The following SND1 variants were observed in gnomAD, a reference collection of about 807,000 sequenced individuals.
The protein encoded by SND1 is staphylococcal nuclease and tudor domain containing 1.
In SND1, 38 loss-of-function variants were observed where a neutral mutation model predicts 121.7. The observed-to-expected ratio is 0.31, with a 90% CI of 0.24 to 0.41. The LOEUF (loss-of-function observed/expected upper bound fraction) is 0.41. SND1 is among the 10% of genes least tolerant of loss of function. SND1 has a pLI of 1.00. For missense variants in SND1, 868 were observed against 1,184.6 expected (o/e 0.73, Z 3.92); for synonymous variants, 401 against 447.4 (o/e 0.90, Z 1.31).
intron 10 of SND1, among the ~76,000 whole-genome samples, chr7:127,773,412 A>G (rs1797552855): frequency 6.6e-6 from 1 of 151,990 alleles, no homozygotes; most frequent in African/African-American, 2.4e-5. Context: ...AGATTGTGCC[A>G]CTGCACTCTA....
At chr7:127,779,734 G>A (rs751312409) in intron 10 of SND1, among the ~76,000 whole-genome samples, 31 of 152,176 alleles carry the variant, frequency 2.0e-4, no homozygotes, top group Non-Finnish European at 3.5e-4. Context: ...ACACAAGTTC[G>A]CCAAACTGGA....
At chr7:127,731,178 G>A (rs540564711) in intron 10 of SND1, among the ~76,000 whole-genome samples, 2 of 152,214 alleles carry the variant, frequency 1.3e-5, no homozygotes, top group South Asian at 2.1e-4. Flanking sequence ...GGCACTGCCC[G>A]CCCGATTCTG....
chr7:127,775,197 A>G (rs1797593814), intron 10 of SND1, among the ~76,000 whole-genome samples: 1 of 152,228 alleles, frequency 6.6e-6, no homozygotes, highest in Non-Finnish European at 1.5e-5. Flanking sequence ...ATTATTCCTT[A>G]GAACCTTTAA....
chr7:127,668,084 ATCT>A (rs371068271), intron 1 of SND1, among the ~76,000 whole-genome samples: 11 of 152,212 alleles, frequency 7.2e-5, no homozygotes, highest in African/African-American at 2.4e-4. Context: ...ATGTGCAGAA[ATCT>A]TCTGAAGGAG....
At chr7:127,967,752 A>G (rs765091185) in intron 15 of SND1, among the ~76,000 whole-genome samples, 1 of 152,242 alleles carries the variant, frequency 6.6e-6, no homozygotes, top group Non-Finnish European at 1.5e-5. Context: ...CCAGGAAACT[A>G]TAGTTGCTAA....
At chr7:127,902,622 A>G (rs1800256072) in intron 13 of SND1, among the ~76,000 whole-genome samples, 1 of 152,232 alleles carries the variant, frequency 6.6e-6, no homozygotes, top group South Asian at 2.1e-4. Context: ...GCAAAGCTTG[A>G]GAATCGCCTT....
intron 10 of SND1, among the ~76,000 whole-genome samples, chr7:127,793,795 G>A (rs1797960255): frequency 6.6e-6 from 1 of 152,022 alleles, no homozygotes; most frequent in Non-Finnish European, 1.5e-5. Flanking sequence ...CCCCATTCTT[G>A]CCCTCCTCCC....
intron 12 of SND1, among the ~76,000 whole-genome samples, chr7:127,859,573 C>A (rs1799341816): frequency 6.6e-6 from 1 of 152,188 alleles, no homozygotes; most frequent in Admixed American, 6.5e-5. Flanking sequence ...TGTGTTACAT[C>A]ATTCTTGGCC....
At chr7:127,771,562 TGAA>T in intron 10 of SND1, among the ~76,000 whole-genome samples, 1 of 152,294 alleles carries the variant, frequency 6.6e-6, no homozygotes, top group East Asian at 1.9e-4. Flanking sequence ...AGTGTATTCA[TGAA>T]GTGTATCCTG....
chr7:127,679,784 A>G (rs966983842), intron 1 of SND1, among the ~76,000 whole-genome samples: 2 of 152,180 alleles, frequency 1.3e-5, no homozygotes, highest in Admixed American at 6.5e-5. Flanking sequence ...TTTATTTCTG[A>G]ATTATATTCC....
intron 15 of SND1, among the ~76,000 whole-genome samples, chr7:127,982,031 CG>C (rs1802273809): frequency 6.6e-6 from 1 of 152,090 alleles, no homozygotes; most frequent in South Asian, 2.1e-4. Context: ...TGCCAGATAC[CG>C]GGGATGTAGA....
At chr7:127,935,021 A>C in intron 15 of SND1, among the ~76,000 whole-genome samples, 1 of 152,232 alleles carries the variant, frequency 6.6e-6, no homozygotes. Context: ...CAGCAGTGTC[A>C]GAGTTTACAT....
intron 1 of SND1, among the ~76,000 whole-genome samples, chr7:127,666,697 T>C (rs993565724): frequency 6.6e-6 from 1 of 152,140 alleles, no homozygotes; most frequent in Non-Finnish European, 1.5e-5. Flanking sequence ...AGAAGTCTCT[T>C]TTATGGACAG....
intron 10 of SND1, among the ~76,000 whole-genome samples, chr7:127,723,358 G>C (rs141517282): frequency 6.6e-6 from 1 of 151,510 alleles, no homozygotes; most frequent in Admixed American, 6.6e-5. Flanking sequence ...CTCTTACAAG[G>C]CGTGTTACCT....
At chr7:127,844,244 C>T (rs961774906) in intron 11 of SND1, 80 bp from the exon 12 acceptor site, 34 of 1,042,788 alleles carry the variant, frequency 3.3e-5, no homozygotes, top group Non-Finnish European at 4.8e-5. Context: ...TGATCTTTCA[C>T]AGTTGAGCAG....
chr7:128,055,404 A>G (rs562383658), intron 16 of SND1, among the ~76,000 whole-genome samples: 16 of 152,268 alleles, frequency 1.1e-4, no homozygotes, highest in Admixed American at 7.8e-4. Context: ...TCTGCAGAGT[A>G]ATGGCAGCAG....
chr7:127,785,414 C>G (rs1273372691), intron 10 of SND1, among the ~76,000 whole-genome samples: 1 of 152,194 alleles, frequency 6.6e-6, no homozygotes, highest in East Asian at 1.9e-4. Flanking sequence ...CTGATGCATG[C>G]TCTTCACAGA....
chr7:128,025,602 C>T (rs1356508622), intron 16 of SND1, among the ~76,000 whole-genome samples: 2 of 152,186 alleles, frequency 1.3e-5, no homozygotes, highest in Non-Finnish European at 2.9e-5. Context: ...ACAGCATTCA[C>T]GGCTGCATTT....
At chr7:127,963,038 T>A (rs931223652) in intron 15 of SND1, among the ~76,000 whole-genome samples, 8 of 152,196 alleles carry the variant, frequency 5.3e-5, no homozygotes, top group Non-Finnish European at 5.9e-5. Flanking sequence ...ATTGTGATGA[T>A]CGCATTCTGT....
Sources: allele counts gnomAD v4.1 joint callset (sites outside exome capture counted in the v4.1 genomes callset), GRCh38; gene constraint gnomAD v4.1.1; transcripts MANE v1.5; gene names NCBI Gene and HGNC (gene_info 2026-07-23, HGNC 2026-07-21).